The following ZYX variants were observed in gnomAD, a reference collection of about 807,000 sequenced individuals.
ZYX encodes the protein zyxin.
Under a neutral mutation model 58.1 loss-of-function variants are expected in ZYX, and 37 were observed. The ratio of observed to expected loss-of-function variants is 0.64; its 90% CI spans 0.49 to 0.84. The LOEUF (loss-of-function observed/expected upper bound fraction) is 0.84, where lower values mean the gene tolerates loss of function less well. ZYX is among the 40% of genes least tolerant of loss of function. ZYX has a pLI of 0.00. For missense variants in ZYX, 762 were observed against 761.6 expected (o/e 1.00, Z -0.01); for synonymous variants, 324 against 321.1 (o/e 1.01, Z -0.10).
At chr7:143,385,035 G>A (rs1411221405) in intron 5 of ZYX, among the ~76,000 whole-genome samples, 1 of 152,184 alleles carries the variant, frequency 6.6e-6, no homozygotes, top group Non-Finnish European at 1.5e-5. Flanking sequence ...TTCCCAGGGA[G>A]TGCAGACAGC....
rs1277122132 is a variant in ZYX, at chr7:143,381,348, G to A, written c.-77G>A. On this transcript the variant is annotated 5_prime_UTR_variant, in exon 1 of 10. Coordinates refer to ENST00000322764, the MANE Select transcript of ZYX (RefSeq NM_003461.5). ...GGAGGCTGCTCCGGACCGGGACGCA[G>A]AGTCTGCGGACCCGGCGCCGAGGCG... 1 of 1,150,046 alleles carries A rather than the reference G, an allele frequency of 8.7e-7. No homozygotes were observed. The highest frequency in any genetic ancestry group is 1.1e-6 in the Non-Finnish European group (1 of 932,502). 71.2% of individuals were successfully genotyped at this position (1,150,046 alleles called of 1,614,324 possible).
rs372754746 is a variant in ZYX, at chr7:143,388,732, G to A, written c.1315-35G>A. ...CCCTGGAAGCTTGCTGTGGGGTGCC[G>A]GTTCCCTGCCAACCTCCTCCTGCTG... On this transcript the variant is annotated intron_variant, in intron 7 of 9. Coordinates refer to ENST00000322764, the MANE Select transcript of ZYX (RefSeq NM_003461.5). This position sits in a 1 kb window ranked among gnomAD's most constrained non-coding sequence, Gnocchi z 7.5. The A allele has an allele frequency of 6.6e-5, 107 of 1,609,616 alleles. No individual in the cohort carries two copies. The highest frequency in any genetic ancestry group is 8.2e-5 in the Non-Finnish European group (96 of 1,177,334).
chr7:143,383,933 C>T (rs546149948), intron 5 of ZYX, among the ~76,000 whole-genome samples: 1 of 152,282 alleles, frequency 6.6e-6, no homozygotes, highest in African/African-American at 2.4e-5. Context: ...TTAGGTGAAC[C>T]CTGAGCCTCA....
Position 143,382,373 on chromosome 7 carries a change from G to A in ZYX, c.334G>A (p.Glu112Lys). The change falls in exon 3 of 10, where the codon GAG (glutamate) becomes AAG (lysine). Residue 112 changes from glutamate (E) to lysine (K), a missense_variant. Coordinates refer to ENST00000322764, the MANE Select transcript of ZYX (RefSeq NM_003461.5). ...ESFPPAPLEEEIFPSPPPPPE... is the reference protein window; with the variant it reads ...ESFPPAPLEEKIFPSPPPPPE... ...ATTTCCCCCTGCGCCTCTGGAGGAG[G>A]AGATCTTCCCTTCCCCGCCGCCTCC... The A allele has an allele frequency of 6.3e-7, 1 of 1,589,312 alleles. No individual in the cohort carries two copies. The highest frequency in any genetic ancestry group is 8.6e-7 in the Non-Finnish European group (1 of 1,167,448).
Position 143,383,044 on chromosome 7 carries a change from A to G in ZYX, c.745A>G (p.Asn249Asp). The change falls in exon 5 of 10, where the codon AAC (asparagine) becomes GAC (aspartate). Residue 249 changes from asparagine (N) to aspartate (D), a missense_variant. Asn to Asp is a conservative substitution (Grantham distance 23). Transcript: ENST00000322764. ...QSQTQPVSLA[N>D]TQPRGPPASS... ...CCAGACCCAGCCTGTGTCTTTGGCT[A>G]ACACCCAGCCCCGAGGGCCCCCAGC... The G allele has an allele frequency of 6.2e-7, 1 of 1,614,094 alleles. No homozygotes were observed. The highest frequency in any genetic ancestry group is 1.1e-5 in the South Asian group (1 of 91,074).
rs1299748041 is a variant in ZYX, at chr7:143,390,159, G to T, written c.1614+182G>T. 3.7e-6 allele frequency: 3 copies of T among 820,364 alleles called. No homozygotes were observed. The highest frequency in any genetic ancestry group is 5.6e-6 in the Non-Finnish European group (3 of 536,650). 50.8% of individuals were successfully genotyped at this position (820,364 alleles called of 1,614,324 possible). A position where few individuals can be genotyped will look rare whatever the true frequency, so the allele number is the denominator to read the frequency against. ...GCTTCCTGCCACTGCAGGAAATGGG[G>T]CTGTGGGGCTTCTGAGGTCACTTTG... On this transcript the variant is annotated intron_variant, in intron 9 of 9. Coordinates refer to ENST00000322764, the MANE Select transcript of ZYX (RefSeq NM_003461.5). The surrounding 1 kb of genome is among the most constrained non-coding windows in gnomAD (Gnocchi z 4.3).
intron 5 of ZYX, among the ~76,000 whole-genome samples, chr7:143,385,425 G>A (rs952340371): frequency 6.6e-6 from 1 of 151,402 alleles, no homozygotes; most frequent in African/African-American, 2.4e-5. Flanking sequence ...GCATGTGTGA[G>A]CATGAATGTA....
Position 143,383,110 on chromosome 7 carries a change from C to A in ZYX, c.811C>A (p.Pro271Thr), listed in dbSNP as rs1804708331. 1 of 1,614,210 alleles carries A rather than the reference C, an allele frequency of 6.2e-7. No individual in the cohort carries two copies. Among genetic ancestry groups the A allele is most frequent in the African/African-American group, 1.3e-5 (1 of 75,050 alleles). The change falls in exon 5 of 10, where the codon CCT (proline) becomes ACT (threonine). Residue 271 changes from proline to threonine, a missense_variant. Transcript: ENST00000322764. ...AGCCCCTAAGTTTTCTCCAGTGACT[C>A]CTAAGTTTACTCCTGTGGCTTCCAA... ...APAPKFSPVT[P>T]KFTPVASKFS...
intron 2 of ZYX, 115 bp downstream of exon 2, chr7:143,381,894 C>A: frequency 4.7e-6 from 5 of 1,073,960 alleles, no homozygotes; most frequent in Non-Finnish European, 6.5e-6. Context: ...GGCGCAGCCA[C>A]CCTGTCCCGA....
Position 143,383,001 on chromosome 7 carries a change from C to A in ZYX, c.702C>A (p.Val234=), listed in dbSNP as rs894444669. 1 of 1,613,822 alleles carries A rather than the reference C, an allele frequency of 6.2e-7. No homozygotes were observed. Among genetic ancestry groups the A allele is most frequent in the African/African-American group, 1.3e-5 (1 of 75,022 alleles). The change falls in exon 5 of 10, where the codon GTC becomes GTA. Residue 234 remains valine (V), a synonymous_variant. Coordinates refer to ENST00000322764, the MANE Select transcript of ZYX (RefSeq NM_003461.5). ...CCCAGCCCCAGCCCAAGCCTCAGGT[C>A]CAACTCCATGTCCAGTCCCAGACCC... is the stretch of plus-strand genomic sequence containing the variant. ...VQPQPQPKPQ[V]QLHVQSQTQP...
In ZYX at chr7:143,387,791, G is replaced by C. The variant is rs1239318443; in HGVS notation, c.1024-428G>C. On this transcript the variant is annotated intron_variant, in intron 5 of 9. Coordinates refer to ENST00000322764, the MANE Select transcript of ZYX (RefSeq NM_003461.5). The surrounding 1 kb of genome is among the most constrained non-coding windows in gnomAD (Gnocchi z 5.8). ...TGCTCAGCAGCAGGCAGGCCGGGTA[G>C]GTGTGTGTGCGCGTGTGTGCACGCC... 2.1e-6 allele frequency: 1 copy of C among 473,830 alleles called. No homozygotes were observed. Among genetic ancestry groups the C allele is most frequent in the Non-Finnish European group, 4.4e-6 (1 of 228,890 alleles). The allele number at this position is 473,830 out of a possible 1,614,324, so 29.4% of individuals were successfully genotyped here. A position where few individuals can be genotyped will look rare whatever the true frequency, so the allele number is the denominator to read the frequency against.
chr7:143,383,289 C>G lies in ZYX; in HGVS notation c.990C>G (p.His330Gln), dbSNP rs199941849. The G allele has an allele frequency of 9.0e-5, 145 of 1,611,142 alleles. No homozygotes were observed. In the East Asian group the frequency reaches 1.8e-3, roughly 20 times the overall value. Residue 330 changes from histidine (H) to glutamine (Q), a missense_variant, in exon 5 of 10, where the codon CAC becomes CAG. Coordinates refer to ENST00000322764, the MANE Select transcript of ZYX (RefSeq NM_003461.5). ...REKPRVQEKQ[H>Q]PVPPPAQNQN... ...AGCCCCGAGTGCAGGAGAAGCAGCA[C>G]CCCGTGCCCCCACCGGCTCAGAACC...
intron 5 of ZYX, among the ~76,000 whole-genome samples, chr7:143,385,958 T>A (rs554645837): frequency 6.6e-6 from 1 of 151,504 alleles, no homozygotes; most frequent in Non-Finnish European, 1.5e-5. Context: ...TGTGGTATTA[T>A]CTGAATGTGA....
In ZYX at chr7:143,390,862, C is replaced by T. The variant is rs1459851647; in HGVS notation, c.*180C>T. 34 of 592,848 alleles carry T rather than the reference C, an allele frequency of 5.7e-5. No individual in the cohort carries two copies. Among genetic ancestry groups the T allele is most frequent in the East Asian group, 1.7e-4 (6 of 35,208 alleles). 36.7% of individuals were successfully genotyped at this position (592,848 alleles called of 1,614,324 possible). A position where few individuals can be genotyped will look rare whatever the true frequency, so the allele number is the denominator to read the frequency against. On this transcript the variant is annotated 3_prime_UTR_variant, in exon 10 of 10. Coordinates refer to ENST00000322764, the MANE Select transcript of ZYX (RefSeq NM_003461.5). The surrounding 1 kb of genome is among the most constrained non-coding windows in gnomAD (Gnocchi z 4.3). Reference sequence around the variant, plus strand: ...ACATGGTCTAGGGATGCAGGATCCCCGCCCTGGGGTCTGGTCCTCGCCCAT... The same window carrying T: ...ACATGGTCTAGGGATGCAGGATCCCTGCCCTGGGGTCTGGTCCTCGCCCAT...
chr7:143,383,207 C>A lies in ZYX; in HGVS notation c.908C>A (p.Ser303Tyr). 6.2e-7 allele frequency: 1 copy of A among 1,614,188 alleles called. No individual in the cohort carries two copies. The highest frequency in any genetic ancestry group is 1.1e-5 in the South Asian group (1 of 91,084). Residue 303 changes from serine (S) to tyrosine (Y), a missense_variant, in exon 5 of 10, where the codon TCT becomes TAT. Transcript: ENST00000322764. ...NQKLGHPEALSAGTGSPQPPS... is the reference protein window; with the variant it reads ...NQKLGHPEALYAGTGSPQPPS... ...AAATTGGGGCACCCCGAAGCTCTTTCTGCTGGCACAGGCTCCCCTCAACCT... is the reference window on the plus strand; with the variant it reads ...AAATTGGGGCACCCCGAAGCTCTTTATGCTGGCACAGGCTCCCCTCAACCT...
At position 143,387,631 on chromosome 7, in the gene ZYX, T is replaced by C; in HGVS notation, c.1024-588T>C. The C allele has an allele frequency of 2.2e-6, 1 of 459,888 alleles. No homozygotes were observed. The highest frequency in any genetic ancestry group is 1.6e-5 in the South Asian group (1 of 63,500). The allele number at this position is 459,888 out of a possible 1,614,324, so 28.5% of individuals were successfully genotyped here. On this transcript the variant is annotated intron_variant, in intron 5 of 9. Transcript: ENST00000322764. This position sits in a 1 kb window ranked among gnomAD's most constrained non-coding sequence, Gnocchi z 5.8. Reference sequence around the variant, plus strand: ...TCTCTGAGGCTGCTGGGGAGGGACCTGAGTGAGGTAGTTCAGAGGCCCCTC... The same window carrying C: ...TCTCTGAGGCTGCTGGGGAGGGACCCGAGTGAGGTAGTTCAGAGGCCCCTC...
chr7:143,382,963 T>C lies in ZYX; in HGVS notation c.664T>C (p.Phe222Leu). ...GGCTCCGGCTCAGAGCCAGACACAG[T>C]TCCATGTTCAGCCCCAGCCCCAGCC... ...VPAPAQSQTQ[F>L]HVQPQPQPKP... Residue 222 changes from phenylalanine (F) to leucine (L), a missense_variant, in exon 5 of 10, where the codon TTC (phenylalanine) becomes CTC (leucine). By Grantham distance (22) the Phe-to-Leu change is conservative (BLOSUM62 0). Transcript: ENST00000322764. 1.2e-6 allele frequency: 2 copies of C among 1,613,462 alleles called. No individual in the cohort carries two copies. The highest frequency in any genetic ancestry group is 1.7e-6 in the Non-Finnish European group (2 of 1,179,590).
In ZYX at chr7:143,381,563, G is replaced by T. The variant is rs772119833; in HGVS notation, c.-9G>T. The T allele has an allele frequency of 2.5e-6, 4 of 1,608,534 alleles. No individual in the cohort carries two copies. The African/African-American group carries it at 5.3e-5, about 22-fold the overall frequency. On this transcript the variant is annotated 5_prime_UTR_variant, in exon 2 of 10. Coordinates refer to ENST00000322764, the MANE Select transcript of ZYX (RefSeq NM_003461.5). The stretch of plus-strand genomic sequence containing the variant: ...ACCCGGCGACCCACCCCAGCAGCCC[G>T]GCCCGGCCATGGCGGCCCCCCGCCC...
chr7:143,389,973 G>A lies in ZYX; in HGVS notation c.1610G>A (p.Cys537Tyr). ...DKNFHMKCYKCEDCGKPLSIE... is the reference protein window; with the variant it reads ...DKNFHMKCYKYEDCGKPLSIE... ...AACTTCCACATGAAGTGTTACAAGT[G>A]TGAGGTCAGCCATCCCTCTGGACTC... Residue 537 changes from cysteine to tyrosine, a missense_variant, in exon 9 of 10, where the codon TGT becomes TAT. Cys to Tyr is a radical substitution (Grantham distance 194). Coordinates refer to ENST00000322764, the MANE Select transcript of ZYX (RefSeq NM_003461.5). This position sits in a 1 kb window ranked among gnomAD's most constrained non-coding sequence, Gnocchi z 5.6. 1 of 1,614,024 alleles carries A rather than the reference G, an allele frequency of 6.2e-7. No homozygotes were observed. The highest frequency in any genetic ancestry group is 8.5e-7 in the Non-Finnish European group (1 of 1,179,924).
Sources: allele counts gnomAD v4.1 joint callset (sites outside exome capture counted in the v4.1 genomes callset), GRCh38; gene constraint gnomAD v4.1.1; non-coding constraint Gnocchi (gnomAD v3.1); transcripts MANE v1.5; gene names NCBI Gene and HGNC (gene_info 2026-07-23, HGNC 2026-07-21).